Variants in DOCK9 observed in about 807,000 individuals in gnomAD.
The protein encoded by DOCK9 is dedicator of cytokinesis protein 9.
Under a neutral mutation model 263.3 loss-of-function variants are expected in DOCK9, and 89 were observed. The ratio of observed to expected loss-of-function variants is 0.34; its 90% confidence interval spans 0.28 to 0.40. The LOEUF is 0.40. Ranked by LOEUF, DOCK9 falls within the 10% of genes least tolerant of loss-of-function variation. The pLI is 1.00. For missense variants in DOCK9, 2,140 were observed against 2,603.4 expected, an observed-to-expected ratio of 0.82 and a Z score of 3.87; for synonymous variants, 976 against 973.1, an observed-to-expected ratio of 1.00 and a Z score of -0.06.
At chr13:98,809,939 T>C (rs530418413) in intron 46 of DOCK9, among the ~76,000 whole-genome samples, 3 of 152,190 alleles carry the variant, frequency 2.0e-5, no homozygotes, top group Admixed American at 2.0e-4. Context: ...GGTTACTCTG[T>C]AGTTTGAGAT....
At chr13:98,822,692 C>CAAAA (rs1458423679) in intron 45 of DOCK9, among the ~76,000 whole-genome samples, 1 of 152,004 alleles carries the variant, frequency 6.6e-6, no homozygotes, top group Admixed American at 6.6e-5. Flanking sequence ...AACAAACAAA[C>CAAAA]AAAAAAGACC....
chr13:98,965,179 G>A (rs1417323123), intron 1 of DOCK9, among the ~76,000 whole-genome samples: 1 of 152,086 alleles, frequency 6.6e-6, no homozygotes, highest in Non-Finnish European at 1.5e-5. Context: ...CAGGAGGAGG[G>A]GTGGAGAGAC....
chr13:99,054,535 T>C (rs547339742), intron 1 of DOCK9, among the ~76,000 whole-genome samples: 1 of 152,310 alleles, frequency 6.6e-6, no homozygotes, highest in South Asian at 2.1e-4. Context: ...GTGATAAATC[T>C]AAAAACTTGG....
At chr13:98,937,940 T>C (rs1320640429) in intron 2 of DOCK9, among the ~76,000 whole-genome samples, 1 of 152,234 alleles carries the variant, frequency 6.6e-6, no homozygotes, top group Non-Finnish European at 1.5e-5. Context: ...CACTTAGCCC[T>C]GGGCAGCAGG....
chr13:98,848,750 C>A (rs746518860), intron 36 of DOCK9, 111 bp from the exon 37 acceptor site: 18 of 1,089,126 alleles, frequency 1.7e-5, no homozygotes, highest in Non-Finnish European at 2.4e-5. Flanking sequence ...CTAGTACCAG[C>A]ATAAGTCACA....
At chr13:98,998,752 C>T (rs1881620967) in intron 1 of DOCK9, among the ~76,000 whole-genome samples, 1 of 152,176 alleles carries the variant, frequency 6.6e-6, no homozygotes, top group Admixed American at 6.5e-5. Context: ...GACCCCTCAT[C>T]TCACCCTCCA....
In DOCK9 at chr13:98,968,391, C is replaced by CG. The variant is rs575147263; in HGVS notation, c.126+9392_126+9393insC. Among the ~76,000 whole-genome samples, 241 of 152,224 alleles carry CG rather than the reference C, an allele frequency of 1.6e-3. 9 individuals carry two copies. The South Asian group carries it at 0.047, about 30-fold the overall frequency. ...ATCCCAGCACTTTGGGAAGCTGAGG[C>CG]AGGGGTATCACTTGAGGCCAAGAGT... On this transcript the variant is annotated intron_variant, in intron 1 of 52. Coordinates refer to ENST00000682017, the MANE Select transcript of DOCK9 (RefSeq NM_001366683.2).
intron 9 of DOCK9, among the ~76,000 whole-genome samples, chr13:98,910,652 G>A (rs140493548): frequency 2.0e-5 from 3 of 152,230 alleles, no homozygotes; most frequent in Non-Finnish European, 4.4e-5. Flanking sequence ...GGATGAAGGA[G>A]GTTAGAGGAG....
intron 43 of DOCK9, among the ~76,000 whole-genome samples, chr13:98,827,443 A>G (rs2092586294): frequency 6.6e-6 from 1 of 152,240 alleles, no homozygotes; most frequent in South Asian, 2.1e-4. Flanking sequence ...CCAAATTGCC[A>G]TGGTGTTATA....
intron 27 of DOCK9, among the ~76,000 whole-genome samples, chr13:98,874,668 G>A (rs1263246158): frequency 6.6e-6 from 1 of 152,156 alleles, no homozygotes; most frequent in Non-Finnish European, 1.5e-5. Context: ...TGCAGTTAGA[G>A]AGCTAAACAA....
chr13:98,800,894 C>A (rs2090038063), intron 49 of DOCK9, among the ~76,000 whole-genome samples: 1 of 152,136 alleles, frequency 6.6e-6, no homozygotes, highest in African/African-American at 2.4e-5. Flanking sequence ...TAAAAATATC[C>A]TTGAGAAAAT....
rs1447070698 is a variant in DOCK9, at chr13:98,885,783, G to A, written c.2185C>T (p.Leu729Phe). 3.1e-6 allele frequency: 5 copies of A among 1,612,538 alleles called. No individual in the cohort carries two copies. The South Asian group carries it at 4.4e-5, about 14-fold the overall frequency. The change falls in exon 20 of 53, where the codon CTC becomes TTC. Residue 729 changes from leucine (L) to phenylalanine (F), a missense_variant. Leu to Phe is a conservative substitution (Grantham distance 22). Around this residue, in one of 2 missense-constraint regions of DOCK9, gnomAD observed 1,521 missense variants for 1,741.7 expected, o/e 0.87. Transcript: ENST00000682017. ...TCACAGCTGACATGGAAGAATGTGA[G>A]CAACAGGTGGTGCTTTTCATGCAGC... ...TQLHEKHHLL[L>F]TFFHVSCDNS...
rs2092671830 is a variant in DOCK9 at position 98,829,347 on chromosome 13, C to T, written c.4925G>A (p.Ser1642Asn). 1 of 1,613,376 alleles carries T rather than the reference C, an allele frequency of 6.2e-7. No individual in the cohort carries two copies. The highest frequency in any genetic ancestry group is 1.3e-5 in the African/African-American group (1 of 75,032). Reference sequence around the variant, plus strand: ...ATTTTTGACATGGATCCTGGCCATGCTGTCGAGCCACGTCTTCCTGAGCTC... The same window carrying T: ...ATTTTTGACATGGATCCTGGCCATGTTGTCGAGCCACGTCTTCCTGAGCTC... ...TPELRKTWLD[S>N]MARIHVKNGD... Residue 1642 changes from serine to asparagine, a missense_variant, in exon 43 of 53, where the codon AGC becomes AAC. Ser to Asn is a conservative substitution (Grantham distance 46, BLOSUM62 1). This residue lies in a region of DOCK9 where 619 missense variants were observed against 861.8 expected (regional missense o/e 0.72). Coordinates refer to ENST00000682017, the MANE Select transcript of DOCK9 (RefSeq NM_001366683.2). This position sits in a 1 kb window ranked among gnomAD's most constrained non-coding sequence, Gnocchi z 4.1.
At chr13:99,079,515 T>A (rs1286639709) in intron 1 of DOCK9, among the ~76,000 whole-genome samples, 2 of 152,228 alleles carry the variant, frequency 1.3e-5, no homozygotes, top group East Asian at 3.8e-4. Flanking sequence ...TAATAAGAGC[T>A]TGCATTTGCT....
intron 1 of DOCK9, among the ~76,000 whole-genome samples, chr13:98,998,347 T>A (rs1881524150): frequency 6.6e-6 from 1 of 152,190 alleles, no homozygotes; most frequent in Admixed American, 6.5e-5. Context: ...CCTCTGGGTA[T>A]CCACTAAGAC....
At chr13:98,944,719 C>T (rs542418201) in intron 2 of DOCK9, among the ~76,000 whole-genome samples, 21 of 152,266 alleles carry the variant, frequency 1.4e-4, no homozygotes, top group African/African-American at 4.8e-4. Context: ...GCGAGGAAGG[C>T]GGGAGAACCC....
intron 1 of DOCK9, among the ~76,000 whole-genome samples, chr13:99,053,830 C>A (rs1300585750): frequency 6.6e-6 from 1 of 152,078 alleles, no homozygotes; most frequent in Non-Finnish European, 1.5e-5. Flanking sequence ...GCGAAGCACC[C>A]CACACCCTCC....
At chr13:98,950,119 CA>C in intron 2 of DOCK9, 1 of 534,864 alleles carries the variant, frequency 1.9e-6, no homozygotes, top group Non-Finnish European at 3.4e-6. Context: ...TTTCTTCAGG[CA>C]AAGTCTTGCA....
At chr13:98,809,719 T>C (rs1162836949) in intron 46 of DOCK9, among the ~76,000 whole-genome samples, 1 of 152,204 alleles carries the variant, frequency 6.6e-6, no homozygotes, top group Non-Finnish European at 1.5e-5. Flanking sequence ...TAAGATGCGA[T>C]GTCAGAGATG....
Sources: gnomAD v4.1 joint callset for allele counts (sites outside exome capture counted in the v4.1 genomes callset) on GRCh38, gnomAD v4.1.1 for gene constraint, gnomAD v4.1.1 regional missense constraint, Gnocchi (gnomAD v3.1) non-coding constraint, MANE v1.5 for transcripts, NCBI Gene and HGNC (gene_info 2026-07-23, HGNC 2026-07-21) for gene names.